The following PCDHGA9 variants were observed in gnomAD, a reference collection of about 807,000 sequenced individuals.
PCDHGA9 encodes the protein protocadherin gamma-A9.
A neutral mutation model predicts 62.5 loss-of-function variants in PCDHGA9; 37 were observed. The observed-to-expected ratio is 0.59, with a 90% CI of 0.46 to 0.78. PCDHGA9 has a LOEUF of 0.78. PCDHGA9 is among the 30% of genes least tolerant of loss of function. The probability of loss-of-function intolerance (pLI) is 0.00; values close to 1 mark genes in which losing one functional copy is unlikely to be tolerated. For synonymous variants in PCDHGA9, 459 were observed against 484.6 expected (o/e 0.95, Z 0.69); for missense variants, 1,138 against 1,166.2 (o/e 0.98, Z 0.35).
chr5:141,427,820 G>A (rs2097075272), intron 1 of PCDHGA9: 2 of 1,532,144 alleles, frequency 1.3e-6, no homozygotes, highest in East Asian at 4.5e-5. Flanking sequence ...GCGGGGTGGT[G>A]GTCGCGCAGC....
At chr5:141,441,087 TGACA>T (rs1168679217) in intron 1 of PCDHGA9, 1 of 152,174 alleles carries the variant, frequency 6.6e-6, no homozygotes, top group Non-Finnish European at 1.5e-5. Flanking sequence ...TGGTAGCAAG[TGACA>T]GAGAGGGACT....
chr5:141,486,901 T>A lies in PCDHGA9; in HGVS notation c.2425-7906T>A. The A allele has an allele frequency of 6.2e-7, 1 of 1,614,238 alleles. No homozygotes were observed. Among genetic ancestry groups the A allele is most frequent in the Non-Finnish European group, 8.5e-7 (1 of 1,180,042 alleles). ...CTCGGGCCCGGCCTGGTTCCTTATG[T>A]CCCCAAGCACTGCCTCCATCAGTTG... On this transcript the variant is annotated intron_variant, in intron 1 of 3. Transcript: ENST00000573521. This position sits in a 1 kb window ranked among gnomAD's most constrained non-coding sequence, Gnocchi z 5.0.
At chr5:141,420,160 T>G in intron 1 of PCDHGA9, 1 of 1,614,044 alleles carries the variant, frequency 6.2e-7, no homozygotes, top group Non-Finnish European at 8.5e-7. Flanking sequence ...AATTTAATTT[T>G]TTCACATCTG....
chr5:141,416,745 C>T (rs186830862), intron 1 of PCDHGA9: 5 of 152,194 alleles, frequency 3.3e-5, no homozygotes, highest in South Asian at 2.1e-4. Flanking sequence ...AAAATAGTGA[C>T]GTATTAGGTA....
At chr5:141,413,364 G>A (rs759265336) in intron 1 of PCDHGA9, 14 of 1,613,870 alleles carry the variant, frequency 8.7e-6, no homozygotes, top group African/African-American at 5.3e-5. Flanking sequence ...CCCGGGAGCT[G>A]GCGGAGCGCG....
intron 1 of PCDHGA9, chr5:141,430,849 G>A: frequency 6.3e-7 from 1 of 1,582,030 alleles, no homozygotes; most frequent in Non-Finnish European, 8.6e-7. Flanking sequence ...GATGCACCCA[G>A]ATACGCTATT....
At chr5:141,507,676 A>G (rs2099862523) in intron 3 of PCDHGA9, among the ~76,000 whole-genome samples, 1 of 152,252 alleles carries the variant, frequency 6.6e-6, no homozygotes, top group African/African-American at 2.4e-5. Flanking sequence ...TCCAGATGTT[A>G]AAAACAGAAA....
intron 1 of PCDHGA9, among the ~76,000 whole-genome samples, chr5:141,474,643 CCTTA>C (rs1474125632): frequency 1.3e-5 from 2 of 152,134 alleles, no homozygotes; most frequent in Admixed American, 1.3e-4. Flanking sequence ...TCCTATATAT[CCTTA>C]CTTCTTTTCT....
chr5:141,472,751 G>A (rs1000022316), intron 1 of PCDHGA9, among the ~76,000 whole-genome samples: 5 of 151,850 alleles, frequency 3.3e-5, no homozygotes, highest in East Asian at 3.9e-4. Flanking sequence ...TTTGGGAGGC[G>A]GAGGCTGGCA....
At chr5:141,463,847 G>T (rs922334975) in intron 1 of PCDHGA9, among the ~76,000 whole-genome samples, 9 of 152,158 alleles carry the variant, frequency 5.9e-5, no homozygotes, top group African/African-American at 2.2e-4. Context: ...TGTTATAGTG[G>T]TATATCTGGT....
chr5:141,415,269 G>T, intron 1 of PCDHGA9: 1 of 1,614,228 alleles, frequency 6.2e-7, no homozygotes, highest in African/African-American at 1.3e-5. Flanking sequence ...TGTACCTGGT[G>T]GTAGCGGTGG....
Position 141,505,474 on chromosome 5 carries a change from C to T in PCDHGA9, c.2565C>T (p.Ser855=), listed in dbSNP as rs751690779. The stretch of plus-strand genomic sequence containing the variant: ...TGCTGCAAGCCATGATCTTGGCGTC[C>T]GCCAGTGGTAAGTGGTGTCAGTGTG... ...TEMLQAMILA[S]ASEAADGSST... Residue 855 remains serine, a synonymous_variant, in exon 3 of 4, where the codon TCC becomes TCT. Transcript: ENST00000573521. 2.2e-5 allele frequency: 36 copies of T among 1,614,090 alleles called. No individual in the cohort carries two copies. The highest frequency in any genetic ancestry group is 5.3e-5 in the African/African-American group (4 of 74,934).
In PCDHGA9 at chr5:141,404,326, A is replaced by G; in HGVS notation, c.1374A>G (p.Ser458=). 2 of 1,613,904 alleles carry G rather than the reference A, an allele frequency of 1.2e-6. No individual in the cohort carries two copies. The highest frequency in any genetic ancestry group is 1.7e-6 in the Non-Finnish European group (2 of 1,179,822). Residue 458 remains serine, a synonymous_variant, in exon 1 of 4, where the codon TCA becomes TCG. Transcript: ENST00000573521. ...CTGCTTTCTCTCAAGCCTCCTACTC[A>G]GTCTACCTCCCGGAAAACAACGCCA... ...NPPAFSQASY[S]VYLPENNARG...
At position 141,426,001 on chromosome 5, in the gene PCDHGA9, T is replaced by C. The variant is rs553657872; in HGVS notation, c.2424+20625T>C. Among the ~76,000 whole-genome samples, 3 of 152,318 alleles carry C rather than the reference T, an allele frequency of 2.0e-5. No individual in the cohort carries two copies. In the South Asian group the frequency reaches 6.2e-4, roughly 32 times the overall value. The stretch of plus-strand genomic sequence containing the variant: ...TGAATCCCATTGAATTAGCAAAGGC[T>C]TCCGGCTGCAGTTTTCTAAATAGAC... On this transcript the variant is annotated intron_variant, in intron 1 of 3. Transcript: ENST00000573521.
chr5:141,410,687 T>A, intron 1 of PCDHGA9: 1 of 1,518,632 alleles, frequency 6.6e-7, no homozygotes, highest in Non-Finnish European at 8.8e-7. Context: ...TTAGGCATAC[T>A]ACTTTATTTT....
At chr5:141,446,079 A>T (rs2098487021) in intron 1 of PCDHGA9, among the ~76,000 whole-genome samples, 1 of 152,234 alleles carries the variant, frequency 6.6e-6, no homozygotes, top group Non-Finnish European at 1.5e-5. Context: ...CAGTGGATGT[A>T]GAAATAAATG....
chr5:141,485,561 G>A lies in PCDHGA9; in HGVS notation c.2425-9246G>A. 1.9e-6 allele frequency: 3 copies of A among 1,613,008 alleles called. No homozygotes were observed. The highest frequency in any genetic ancestry group is 1.1e-5 in the South Asian group (1 of 91,026). ...AGAGATCGTAGATGTGAATGATCACGCCCCCCGTTTTCCGCGGCAGCAGCT... is the reference window on the plus strand; with the variant it reads ...AGAGATCGTAGATGTGAATGATCACACCCCCCGTTTTCCGCGGCAGCAGCT... On this transcript the variant is annotated intron_variant, in intron 1 of 3. Transcript: ENST00000573521. The surrounding 1 kb of genome is among the most constrained non-coding windows in gnomAD (Gnocchi z 5.7).
intron 1 of PCDHGA9, among the ~76,000 whole-genome samples, chr5:141,469,289 A>G (rs2154570270): frequency 6.6e-6 from 1 of 151,932 alleles, no homozygotes; most frequent in South Asian, 2.1e-4. Flanking sequence ...AAAATAAAAC[A>G]AAATAGACTG....
chr5:141,476,039 C>T lies in PCDHGA9; in HGVS notation c.2425-18768C>T. The T allele has an allele frequency of 1.3e-6, 2 of 1,484,358 alleles. No homozygotes were observed. The highest frequency in any genetic ancestry group is 1.8e-6 in the Non-Finnish European group (2 of 1,117,328). The allele number at this position is 1,484,358 out of a possible 1,614,324, so 91.9% of individuals were successfully genotyped here. On this transcript the variant is annotated intron_variant, in intron 1 of 3. Coordinates refer to ENST00000573521, the MANE Select transcript of PCDHGA9 (RefSeq NM_018921.3). The surrounding 1 kb of genome is among the most constrained non-coding windows in gnomAD (Gnocchi z 7.6). Reference sequence around the variant, plus strand: ...TCGGACTCGGCGCCCAGCGCCCAAGCGCTAACCCGCTGAAAGTTTCTCAGC... The same window carrying T: ...TCGGACTCGGCGCCCAGCGCCCAAGTGCTAACCCGCTGAAAGTTTCTCAGC...
Sources: gnomAD v4.1 joint callset for allele counts (sites outside exome capture counted in the v4.1 genomes callset) on GRCh38, gnomAD v4.1.1 for gene constraint, Gnocchi (gnomAD v3.1) non-coding constraint, MANE v1.5 for transcripts, NCBI Gene and HGNC (gene_info 2026-07-23, HGNC 2026-07-21) for gene names.